KLHL13: variants seen among roughly 807,000 people sequenced by gnomAD.
KLHL13 encodes the protein kelch-like protein 13.
In KLHL13, 10 loss-of-function variants were observed where a neutral mutation model predicts 37.1. That is an observed-to-expected ratio of 0.27 (90% confidence interval 0.17 to 0.46). The LOEUF (loss-of-function observed/expected upper bound fraction) is 0.46, where lower values mean the gene tolerates loss of function less well. KLHL13 is among the 20% of genes least tolerant of loss of function. KLHL13 has a pLI of 1.00. For synonymous variants in KLHL13, 163 were observed against 181.2 expected (o/e 0.90, Z 0.81); for missense variants, 360 against 509.3 (o/e 0.71, Z 2.82).
At chrX:118,107,307 C>T (rs2055357162) in intron 1 of KLHL13, among the ~76,000 whole-genome samples, 1 of 111,774 alleles carries the variant, frequency 8.9e-6, no homozygotes, top group Non-Finnish European at 1.9e-5. Flanking sequence ...AATAAGCCAA[C>T]ATTCACCATA....
At chrX:118,071,566 G>A (rs1035531558) in intron 1 of KLHL13, among the ~76,000 whole-genome samples, 15 of 111,413 alleles carry the variant, frequency 1.3e-4, no homozygotes, top group African/African-American at 4.9e-4. Context: ...CTTTTGAGAA[G>A]TGTCTAGAAA....
At chrX:117,902,191 T>C (rs1930140955) in intron 5 of KLHL13, among the ~76,000 whole-genome samples, 1 of 111,384 alleles carries the variant, frequency 9.0e-6, no homozygotes, top group South Asian at 3.8e-4. Flanking sequence ...ATTTCTGTCA[T>C]TGCAGAAATC....
At chrX:117,995,890 T>C (rs1374625943) in intron 1 of KLHL13, among the ~76,000 whole-genome samples, 2 of 111,533 alleles carry the variant, frequency 1.8e-5, no homozygotes, top group African/African-American at 3.3e-5. Flanking sequence ...TACCACAATT[T>C]ATTTACCCAT....
At chrX:118,076,702 C>T (rs2054932080) in intron 1 of KLHL13, among the ~76,000 whole-genome samples, 1 of 111,159 alleles carries the variant, frequency 9.0e-6, no homozygotes, top group Admixed American at 9.6e-5. Context: ...CATTTGAAGG[C>T]CTTAATAGAA....
intron 1 of KLHL13, among the ~76,000 whole-genome samples, chrX:118,021,404 G>T (rs1319293631): frequency 9.4e-6 from 1 of 105,871 alleles, no homozygotes; most frequent in Non-Finnish European, 1.9e-5. Context: ...CTTACCCCAC[G>T]ACAGGCCCTG....
chrX:117,985,381 C>T, intron 1 of KLHL13: 1 of 1,018,681 alleles, frequency 9.8e-7, no homozygotes. Flanking sequence ...TAGCGCACCC[C>T]AGTGCATCTG....
chrX:117,970,482 T>C (rs1279905006), intron 1 of KLHL13, among the ~76,000 whole-genome samples: 1 of 111,834 alleles, frequency 8.9e-6, no homozygotes, highest in African/African-American at 3.2e-5. Context: ...TTTAAACCTA[T>C]GTTTGCCAGC....
chrX:118,071,314 T>A (rs767922580), intron 1 of KLHL13, among the ~76,000 whole-genome samples: 1 of 111,437 alleles, frequency 9.0e-6, no homozygotes, highest in African/African-American at 3.3e-5. Context: ...TAGTTCTAGA[T>A]CCCTGAGGAA....
At chrX:118,058,391 T>C (rs2054707411) in intron 1 of KLHL13, among the ~76,000 whole-genome samples, 1 of 111,551 alleles carries the variant, frequency 9.0e-6, no homozygotes. Flanking sequence ...CTTCCTATTA[T>C]GCTCTACTTT....
chrX:117,964,301 T>C (rs1019368290), intron 1 of KLHL13, among the ~76,000 whole-genome samples: 2 of 112,498 alleles, frequency 1.8e-5, no homozygotes, highest in Non-Finnish European at 3.8e-5. Context: ...ATTTTTCTTC[T>C]GAGGTGTTTC....
chrX:117,909,993 G>T (rs1220666880), exon 5 of KLHL13: 1 of 1,209,312 alleles, frequency 8.3e-7, no homozygotes, highest in South Asian at 1.8e-5. Context: ...GCTCAGCAAT[G>T]CAGGAAAATT....
exon 7 of KLHL13, chrX:117,898,875 T>C (rs1181805238): frequency 1.7e-6 from 2 of 1,163,960 alleles, no homozygotes; most frequent in Non-Finnish European, 2.3e-6. Context: ...ATTGCAAAGA[T>C]AGAACTACAG....
In KLHL13 at chrX:117,980,022, A is replaced by ATGGC. The variant is rs775392945; in HGVS notation, c.-55-34451_-55-34448dup. ...ACAGTGCAACTGAACAGTTAAGAAT[A>ATGGC]TGGCTCTATTGAATGAAAATACATT... On this transcript the variant is annotated intron_variant, in intron 1 of 6. Transcript: ENST00000371882. Among the ~76,000 whole-genome samples the ATGGC allele has an allele frequency of 4.5e-5, 5 of 112,296 alleles. No individual in the cohort carries two copies. The East Asian group carries it at 1.4e-3, about 31-fold the overall frequency.
intron 1 of KLHL13, among the ~76,000 whole-genome samples, chrX:117,987,947 G>A (rs2053746508): frequency 9.0e-6 from 1 of 111,570 alleles, no homozygotes; most frequent in African/African-American, 3.2e-5. Context: ...TCAAAAACAG[G>A]CAGTACTTGG....
At chrX:117,983,204 A>G (rs1172792980) in intron 1 of KLHL13, among the ~76,000 whole-genome samples, 1 of 111,554 alleles carries the variant, frequency 9.0e-6, no homozygotes, top group Non-Finnish European at 1.9e-5. Flanking sequence ...AATAGGGAAA[A>G]TGCTGCTTTC....
At chrX:117,953,512 C>T (rs185839755) in intron 1 of KLHL13, among the ~76,000 whole-genome samples, 241 of 110,273 alleles carry the variant, frequency 2.2e-3, no homozygotes, top group African/African-American at 6.7e-3. Context: ...ATGTAACTAA[C>T]CTGCACATTG....
exon 6 of KLHL13, chrX:117,901,900 A>G (rs1278391581): frequency 8.4e-7 from 1 of 1,195,192 alleles, no homozygotes; most frequent in Non-Finnish European, 1.1e-6. Context: ...TCATTTTGGC[A>G]ACATAGGTCC....
chrX:118,110,371 C>CTTTTTTTTTTTTTT (rs1479012364), intron 1 of KLHL13, among the ~76,000 whole-genome samples: 1 of 98,314 alleles, frequency 1.0e-5, no homozygotes, highest in African/African-American at 3.9e-5. Flanking sequence ...TTTTCTATTT[C>CTTTTTTTTTTTTTT]TTTTTCTTTT....
Position 117,955,627 on chromosome X carries a change from C to A in KLHL13, c.99-10052G>T, listed in dbSNP as rs186211799. On this transcript the variant is annotated intron_variant, in intron 1 of 6. Coordinates refer to ENST00000262820, the Ensembl canonical transcript of KLHL13. ...CAAAAAAAGAAGACAGGCTCTCAAC[C>A]TAATGAGTCTGAGAATCACTCTTAG... Among the ~76,000 whole-genome samples, 5 of 111,806 alleles carry A rather than the reference C, an allele frequency of 4.5e-5. No homozygotes were observed. The East Asian group carries it at 1.4e-3, about 31-fold the overall frequency.
Sources: gnomAD v4.1 joint callset for allele counts (sites outside exome capture counted in the v4.1 genomes callset) on GRCh38, gnomAD v4.1.1 for gene constraint, MANE v1.5 for transcripts, NCBI Gene and HGNC (gene_info 2026-07-23, HGNC 2026-07-21) for gene names.